WDR17: variants seen among roughly 807,000 people sequenced by gnomAD.
WDR17 encodes WD repeat-containing protein 17.
A neutral mutation model predicts 161.7 loss-of-function variants in WDR17; 143 were observed. The observed-to-expected ratio is 0.88, with a 90% CI of 0.77 to 1.02. The LOEUF is 1.02. Among genes scored for constraint, WDR17 ranks in the 50% least tolerant of loss-of-function variants. The pLI is 0.00. For synonymous variants in WDR17, 517 were observed against 515.6 expected (o/e 1.00, Z -0.04); for missense variants, 1,469 against 1,520.9 (o/e 0.97, Z 0.57).
intron 8 of WDR17, 146 bp from the exon 9 acceptor site, chr4:176,137,373 AT>A (rs1744580766): frequency 1.7e-6 from 1 of 592,998 alleles, no homozygotes; most frequent in Non-Finnish European, 2.9e-6. Context: ...TTTATCTATA[AT>A]TTTATACAGT....
At chr4:176,068,380 A>C (rs1014776701) in intron 1 of WDR17, 17 of 152,252 alleles carry the variant, frequency 1.1e-4, no homozygotes, top group African/African-American at 4.1e-4. Flanking sequence ...CAGGCGGATC[A>C]CCTGAGGTGA....
chr4:176,154,987 GTATTA>G (rs1466673630), intron 17 of WDR17, among the ~76,000 whole-genome samples: 6 of 151,946 alleles, frequency 3.9e-5, no homozygotes, highest in African/African-American at 9.7e-5. Context: ...ATGAAGACAA[GTATTA>G]TATTATCAGT....
At chr4:176,123,968 A>G (rs988681653) in intron 4 of WDR17, among the ~76,000 whole-genome samples, 1 of 152,216 alleles carries the variant, frequency 6.6e-6, no homozygotes, top group African/African-American at 2.4e-5. Context: ...AAGACACTGT[A>G]GAGATTCCAA....
chr4:176,085,915 AAAG>A (rs1331945128), intron 1 of WDR17, among the ~76,000 whole-genome samples: 2 of 151,960 alleles, frequency 1.3e-5, no homozygotes, highest in Non-Finnish European at 2.9e-5. Context: ...TTTCTACTAG[AAAG>A]AAGTGAAATA....
chr4:176,112,433 C>T (rs1739916625), intron 2 of WDR17, among the ~76,000 whole-genome samples: 1 of 152,112 alleles, frequency 6.6e-6, no homozygotes, highest in Non-Finnish European at 1.5e-5. Flanking sequence ...CTACTCATTC[C>T]CTAATAGTAA....
intron 1 of WDR17, among the ~76,000 whole-genome samples, chr4:176,068,604 A>C (rs1417976222): frequency 6.6e-6 from 1 of 152,226 alleles, no homozygotes; most frequent in African/African-American, 2.4e-5. Context: ...AACGTCAAAA[A>C]AATTAAAGAA....
At chr4:176,094,860 G>A in intron 1 of WDR17, among the ~76,000 whole-genome samples, 1 of 152,154 alleles carries the variant, frequency 6.6e-6, no homozygotes, top group East Asian at 1.9e-4. Flanking sequence ...AATGGAGAAT[G>A]TAAGAGAAAG....
rs1554036567 is a variant in WDR17, at chr4:176,167,663, A to AAC, written c.2991-1008_2991-1007insCA. Among the ~76,000 whole-genome samples the AAC allele has an allele frequency of 3.9e-3, 528 of 134,864 alleles. 24 individuals are homozygous for AAC. The highest frequency in any genetic ancestry group is 0.013 in the African/African-American group (484 of 37,156). 88.5% of individuals were successfully genotyped at this position (134,864 alleles called of 152,430 possible). ...CCGTCTCAAAAAAAAAAAAAAAAAA[A>AAC]AAAAAAAAACAATATCTTGAATTAT... On this transcript the variant is annotated intron_variant, in intron 22 of 28. Coordinates refer to ENST00000508596, the MANE Select transcript of WDR17 (RefSeq NM_181265.4).
intron 7 of WDR17, among the ~76,000 whole-genome samples, chr4:176,134,074 G>T (rs751098213): frequency 6.6e-6 from 1 of 151,718 alleles, no homozygotes; most frequent in South Asian, 2.1e-4. Flanking sequence ...CTTCAGCCAG[G>T]TGAACCAGTG....
At chr4:176,152,622 A>G (rs994977043) in intron 17 of WDR17, among the ~76,000 whole-genome samples, 13 of 123,114 alleles carry the variant, frequency 1.1e-4, no homozygotes, top group South Asian at 5.6e-4. Flanking sequence ...AAAAAAAAAA[A>G]GGGAAAGAAA....
chr4:176,128,781 A>G lies in WDR17; in HGVS notation c.834A>G (p.Thr278=). 1 of 1,605,982 alleles carries G rather than the reference A, an allele frequency of 6.2e-7. No individual in the cohort carries two copies. The highest frequency in any genetic ancestry group is 8.5e-7 in the Non-Finnish European group (1 of 1,177,028). ...TACGCATTTGGAATGTTTCAAGAACAACACCTATTGATAATCTTAAATTAA... is the reference window on the plus strand; with the variant it reads ...TACGCATTTGGAATGTTTCAAGAACGACACCTATTGATAATCTTAAATTAA... ...GVLRIWNVSR[T]TPIDNLKLKK... Residue 278 remains threonine (T), a synonymous_variant, in exon 6 of 29, where the codon ACA becomes ACG. Coordinates refer to ENST00000508596, the MANE Select transcript of WDR17 (RefSeq NM_181265.4).
At position 176,177,638 on chromosome 4, in the gene WDR17, CG is replaced by C. The variant is rs755053045; in HGVS notation, c.3719del (p.Gly1240AspfsTer2). On this transcript the variant is annotated frameshift_variant, in exon 28 of 29. Transcript: ENST00000508596. LOFTEE classifies it high-confidence loss of function. ...TCTGATATTCACATTTCTTGTCTTA[CG>C]GGATTAAAAATCCAGGTAAAGCCTA... ...SHSDIHISCL[T>X]GLKIQGPVFF... The C allele has an allele frequency of 4.4e-6, 7 of 1,585,260 alleles. No homozygotes were observed. The highest frequency in any genetic ancestry group is 6.0e-6 in the Non-Finnish European group (7 of 1,171,796).
intron 1 of WDR17, among the ~76,000 whole-genome samples, chr4:176,080,956 A>G (rs1203280853): frequency 7.6e-6 from 1 of 130,794 alleles, no homozygotes; most frequent in Non-Finnish European, 1.7e-5. Context: ...ATATCTTTTA[A>G]TAGAGCTTTA....
rs1751972027 is a variant in WDR17, at chr4:176,179,829, A to G, written c.*250A>G. The G allele has an allele frequency of 5.4e-6, 1 of 186,114 alleles. No individual in the cohort carries two copies. Among genetic ancestry groups the G allele is most frequent in the South Asian group, 1.9e-4 (1 of 5,230 alleles). 11.5% of individuals were successfully genotyped at this position (186,114 alleles called of 1,614,324 possible). A position where few individuals can be genotyped will look rare whatever the true frequency, so the allele number is the denominator to read the frequency against. On this transcript the variant is annotated 3_prime_UTR_variant, in exon 29 of 29. Transcript: ENST00000508596. ...TTGGGAAGGAGGAAACATTTAAATT[A>G]TAAAGGACTGAATAATCTAAAAAGC... is the stretch of plus-strand genomic sequence containing the variant.
intron 26 of WDR17, among the ~76,000 whole-genome samples, chr4:176,176,552 GTGTC>G (rs1751480163): frequency 6.6e-6 from 1 of 152,140 alleles, no homozygotes. Flanking sequence ...AGGTAACTCA[GTGTC>G]TTATATTCAG....
intron 10 of WDR17, 144 bp from the exon 11 acceptor site, chr4:176,141,839 G>A (rs1244857488): frequency 1.6e-6 from 1 of 607,638 alleles, no homozygotes; most frequent in Admixed American, 3.1e-5. Flanking sequence ...CATTTATACA[G>A]TACTTTCAAA....
chr4:176,095,354 G>C (rs1415852948), intron 1 of WDR17, among the ~76,000 whole-genome samples: 1 of 152,170 alleles, frequency 6.6e-6, no homozygotes, highest in Non-Finnish European at 1.5e-5. Flanking sequence ...GATTTTGCCA[G>C]TCCTGGAGCT....
intron 1 of WDR17, among the ~76,000 whole-genome samples, chr4:176,107,084 C>A (rs1738869488): frequency 6.6e-6 from 1 of 152,048 alleles, no homozygotes; most frequent in African/African-American, 2.4e-5. Context: ...TAAAACTCAA[C>A]AATTACAAAG....
intron 1 of WDR17, among the ~76,000 whole-genome samples, chr4:176,090,319 G>A (rs922231577): frequency 2.7e-5 from 4 of 149,380 alleles, no homozygotes; most frequent in South Asian, 2.1e-4. Context: ...CTCTTTCCAC[G>A]TCATCTCTGC....
Sources: gnomAD v4.1 joint callset for allele counts (sites outside exome capture counted in the v4.1 genomes callset) on GRCh38, gnomAD v4.1.1 for gene constraint, MANE v1.5 for transcripts, NCBI Gene and HGNC (gene_info 2026-07-23, HGNC 2026-07-21) for gene names.